ULK1: variants seen among roughly 807,000 people sequenced by gnomAD.
The protein encoded by ULK1 is serine/threonine-protein kinase ULK1.
ULK1 carries 48 observed loss-of-function variants against 117.5 expected under a neutral mutation model. The ratio of observed to expected loss-of-function variants is 0.41; its 90% CI spans 0.32 to 0.52. The LOEUF (loss-of-function observed/expected upper bound fraction) is 0.52. Ranked by LOEUF, ULK1 falls within the 20% of genes least tolerant of loss-of-function variation. The pLI is 0.29. For missense variants in ULK1, 1,387 were observed against 1,473.4 expected, an observed-to-expected ratio of 0.94 and a Z score of 0.96; for synonymous variants, 790 against 637.8, an observed-to-expected ratio of 1.24 and a Z score of -3.60.
Position 131,903,307 on chromosome 12 carries a change from G to C in ULK1, c.247-3585G>C, listed in dbSNP as rs1391872370. Among the ~76,000 whole-genome samples the C allele has an allele frequency of 6.6e-6, 1 of 152,232 alleles. No homozygotes were observed. Among genetic ancestry groups the C allele is most frequent in the Non-Finnish European group, 1.5e-5 (1 of 68,036 alleles). ...AAGGCTAGGTCCTTCCGGGGACACA[G>C]AGGGTGACTGGCTTGGCATTGGCAC... On this transcript the variant is annotated intron_variant, in intron 3 of 27. Transcript: ENST00000321867. This position sits in a 1 kb window ranked among gnomAD's most constrained non-coding sequence, Gnocchi z 6.0.
intron 3 of ULK1, among the ~76,000 whole-genome samples, chr12:131,900,967 C>G (rs961541048): frequency 6.6e-6 from 1 of 152,036 alleles, no homozygotes; most frequent in East Asian, 1.9e-4. Context: ...GTACCCAGCT[C>G]CTGGGCAGGG....
intron 4 of ULK1, 39 bp downstream of exon 4, chr12:131,906,963 G>T (rs893155333): frequency 1.9e-6 from 3 of 1,613,894 alleles, no homozygotes; most frequent in African/African-American, 1.3e-5. Context: ...GCAGGCTGAT[G>T]GCCATGGCCC....
chr12:131,918,122 TG>T (rs748874044), intron 22 of ULK1, among the ~76,000 whole-genome samples: 11 of 152,300 alleles, frequency 7.2e-5, no homozygotes, highest in South Asian at 6.2e-4. Context: ...GAGGTCCTTT[TG>T]GGCCTTGGGC....
chr12:131,909,058 G>C, intron 7 of ULK1, 78 bp from the exon 8 acceptor site: 1 of 1,608,676 alleles, frequency 6.2e-7, no homozygotes. Context: ...GCTCTGCTCT[G>C]GTTGGCTGTG....
chr12:131,906,876 C>G lies in ULK1; in HGVS notation c.247-16C>G, dbSNP rs377186989. 2.5e-6 allele frequency: 4 copies of G among 1,613,934 alleles called. No individual in the cohort carries two copies. The African/African-American group carries it at 4.0e-5, about 16-fold the overall frequency. ...GTGGCACTGGGACCTCTCACAGCCT[C>G]TTTTCTGTCTTGCAGGAAATGGCTA... On this transcript the variant is annotated splice_polypyrimidine_tract_variant and intron_variant, in intron 3 of 27. Transcript: ENST00000321867.
At chr12:131,910,216 G>C in intron 10 of ULK1, 38 bp from the exon 11 acceptor site, 1 of 1,612,498 alleles carries the variant, frequency 6.2e-7, no homozygotes, top group Non-Finnish European at 8.5e-7. Flanking sequence ...GTCAGAGCTG[G>C]GGTCCTCCTG....
rs534906169 is a variant in ULK1, at chr12:131,919,749, A to G, written c.2803+159A>G. The G allele has an allele frequency of 2.6e-5, 27 of 1,046,040 alleles. 1 individual carries two copies. In the Admixed American group the frequency reaches 5.1e-4, roughly 20 times the overall value. The allele number at this position is 1,046,040 out of a possible 1,614,324, so 64.8% of individuals were successfully genotyped here. Reference sequence around the variant, plus strand: ...GCCCAGTGTGCAGAGCACAGAGGCCATTGGGTCGGACAGCACCCTGGAGCC... The same window carrying G: ...GCCCAGTGTGCAGAGCACAGAGGCCGTTGGGTCGGACAGCACCCTGGAGCC... On this transcript the variant is annotated intron_variant, in intron 25 of 27. Transcript: ENST00000321867.
rs1211296461 is a variant in ULK1 at position 131,902,842 on chromosome 12, C to T, written c.247-4050C>T. ...GGTGGCCGGTTTCCTCCCCTGGAGC[C>T]CAGGGAGGCAGTTGTGGCCCTTTCT... On this transcript the variant is annotated intron_variant, in intron 3 of 27. Coordinates refer to ENST00000321867, the MANE Select transcript of ULK1 (RefSeq NM_003565.4). This position sits in a 1 kb window ranked among gnomAD's most constrained non-coding sequence, Gnocchi z 6.3. 6.6e-6 allele frequency among the ~76,000 whole-genome samples: 1 copy of T among 152,142 alleles called. No homozygotes were observed. Among genetic ancestry groups the T allele is most frequent in the East Asian group, 1.9e-4 (1 of 5,190 alleles).
rs1889471906 is a variant in ULK1, at chr12:131,910,199, G to A, written c.809-55G>A. 1.4e-5 allele frequency: 22 copies of A among 1,608,118 alleles called. No homozygotes were observed. In the Admixed American group the frequency reaches 3.2e-4, roughly 23 times the overall value. ...GAGCTCAGGCCGTGGGGAGGCAGGG[G>A]CCTGGGGTCAGAGCTGGGGTCCTCC... On this transcript the variant is annotated intron_variant, in intron 10 of 27. Coordinates refer to ENST00000321867, the MANE Select transcript of ULK1 (RefSeq NM_003565.4).
intron 3 of ULK1, among the ~76,000 whole-genome samples, chr12:131,900,719 C>T (rs1889051553): frequency 1.3e-5 from 2 of 152,220 alleles, no homozygotes; most frequent in South Asian, 4.1e-4. Flanking sequence ...TCACTCAGGC[C>T]CTGCAGACAG....
rs1593268477 is a variant in ULK1 at position 131,912,146 on chromosome 12, T to C, written c.1096+57T>C. 3 of 1,555,504 alleles carry C rather than the reference T, an allele frequency of 1.9e-6. No individual in the cohort carries two copies. The African/African-American group carries it at 4.1e-5, about 21-fold the overall frequency. On this transcript the variant is annotated intron_variant, in intron 13 of 27. Transcript: ENST00000321867. ...CCTCAGGTGCGGCGGGGACAGTGCA[T>C]TGCATGTGTTGGATGCACAGTGTGT... is the stretch of plus-strand genomic sequence containing the variant.
rs1270224153 is a variant in ULK1 at position 131,921,403 on chromosome 12, C to T, written c.*42C>T. ...GGGCCCCCCGTCCTGCCGAGCCCTG[C>T]AGAGTGGGCTCTGTGTGCTGGCTGG... On this transcript the variant is annotated 3_prime_UTR_variant, in exon 28 of 28. Transcript: ENST00000321867. 1.3e-6 allele frequency: 2 copies of T among 1,598,994 alleles called. No homozygotes were observed. Among genetic ancestry groups the T allele is most frequent in the Admixed American group, 3.3e-5 (2 of 60,028 alleles).
intron 22 of ULK1, among the ~76,000 whole-genome samples, chr12:131,918,004 C>A (rs902092452): frequency 2.0e-5 from 3 of 152,162 alleles, no homozygotes; most frequent in Non-Finnish European, 1.5e-5. Flanking sequence ...ACTGCGGGTT[C>A]TGCCTGGGGA....
chr12:131,897,588 T>A (rs1173076708), intron 3 of ULK1: 1 of 150,584 alleles, frequency 6.6e-6, no homozygotes, highest in Non-Finnish European at 1.5e-5. Context: ...TCTAAAAGAG[T>A]AGAGCTTGGG....
At chr12:131,900,837 A>C (rs1280208508) in intron 3 of ULK1, among the ~76,000 whole-genome samples, 1 of 151,956 alleles carries the variant, frequency 6.6e-6, no homozygotes, top group Non-Finnish European at 1.5e-5. Flanking sequence ...CCAGCATGAG[A>C]CTGTAACTCC....
At position 131,916,524 on chromosome 12, in the gene ULK1, C is replaced by A. The variant is rs763912474; in HGVS notation, c.2005C>A (p.Pro669Thr). The change falls in exon 20 of 28, where the codon CCC becomes ACC. Residue 669 changes from proline (P) to threonine (T), a missense_variant. Transcript: ENST00000321867. ...RTLPDLSEVG[P>T]FHGQPLGPGL... ...GCTGCCCGACCTCTCGGAGGTGGGA[C>A]CCTTCCATGGTCAGCCGTTGGGCCC... 2.9e-5 allele frequency: 46 copies of A among 1,611,372 alleles called. No homozygotes were observed. Among genetic ancestry groups the A allele is most frequent in the Non-Finnish European group, 3.7e-5 (44 of 1,179,732 alleles).
intron 3 of ULK1, among the ~76,000 whole-genome samples, chr12:131,905,543 C>A (rs1411615754): frequency 2.0e-5 from 3 of 152,150 alleles, no homozygotes; most frequent in Non-Finnish European, 4.4e-5. Flanking sequence ...TCCCTGTAAG[C>A]ACCTAGAGCA....
rs747151192 is a variant in ULK1 at position 131,915,223 on chromosome 12, C to T, written c.1514C>T (p.Ser505Phe). 6.2e-6 allele frequency: 10 copies of T among 1,601,752 alleles called. No individual in the cohort carries two copies. In the African/African-American group the frequency reaches 1.1e-4, roughly 17 times the overall value. ...SLGGGRPYTP[S>F]PQVGTIPERP... ...GGTGGAGGCCGGCCCTACACGCCAT[C>T]TCCTCAAGGTGCGCCTGCAGGCTGG... The change falls in exon 17 of 28, where the codon TCT becomes TTT. Residue 505 changes from serine to phenylalanine, a missense_variant. By Grantham distance (155) the Ser-to-Phe change is radical. This residue lies in a region of ULK1 where 900 missense variants were observed against 858.9 expected (regional missense o/e 1.05). Transcript: ENST00000321867.
intron 12 of ULK1, 132 bp downstream of exon 12, chr12:131,910,932 C>G: frequency 6.8e-7 from 1 of 1,462,972 alleles, no homozygotes; most frequent in East Asian, 2.5e-5. Flanking sequence ...TGGATGAGTT[C>G]ATTCTGTCAG....
Sources: allele counts gnomAD v4.1 joint callset (sites outside exome capture counted in the v4.1 genomes callset), GRCh38; gene constraint gnomAD v4.1.1; regional missense constraint gnomAD v4.1.1; non-coding constraint Gnocchi (gnomAD v3.1); transcripts MANE v1.5; gene names NCBI Gene and HGNC (gene_info 2026-07-23, HGNC 2026-07-21).